The following SIPA1L1 variants were observed in gnomAD, a reference collection of about 807,000 sequenced individuals.
The protein encoded by SIPA1L1 is signal induced proliferation associated 1 like 1.
A neutral mutation model predicts 162.7 loss-of-function variants in SIPA1L1; 26 were observed. That is an observed-to-expected ratio of 0.16 (90% confidence interval 0.12 to 0.22). SIPA1L1 has a LOEUF of 0.22. SIPA1L1 is among the 10% of genes least tolerant of loss of function. SIPA1L1 has a pLI of 1.00. For synonymous variants in SIPA1L1, 829 were observed against 837.4 expected (o/e 0.99, Z 0.17); for missense variants, 1,874 against 2,241.0 (o/e 0.84, Z 3.31).
chr14:71,564,266 A>G (rs372394903), intron 4 of SIPA1L1, among the ~76,000 whole-genome samples: 1 of 151,206 alleles, frequency 6.6e-6, no homozygotes, highest in African/African-American at 2.4e-5. Context: ...CCTTCTTAAT[A>G]CTATTTTCTT....
intron 4 of SIPA1L1, among the ~76,000 whole-genome samples, chr14:71,576,322 G>A (rs1342786932): frequency 2.0e-5 from 3 of 152,224 alleles, no homozygotes; most frequent in Non-Finnish European, 4.4e-5. Context: ...TGTACAAACT[G>A]CAGTAGATAA....
intron 2 of SIPA1L1, among the ~76,000 whole-genome samples, chr14:71,344,926 A>G (rs1186003715): frequency 6.6e-6 from 1 of 152,122 alleles, no homozygotes; most frequent in African/African-American, 2.4e-5. Flanking sequence ...TAATGGAAAG[A>G]TATATTTCAT....
chr14:71,488,911 A>G (rs541084244), intron 2 of SIPA1L1, among the ~76,000 whole-genome samples: 3 of 152,266 alleles, frequency 2.0e-5, no homozygotes, highest in Admixed American at 2.0e-4. Flanking sequence ...CTTAGTGGAG[A>G]ATGGCCTGCT....
In SIPA1L1 at chr14:71,655,276, G is replaced by C. The variant is rs559791872; in HGVS notation, c.1994-3057G>C. ...TTAGGATAATGGCCTCCAGCTGCAT[G>C]TGTGTTGTTGCCAGGGAGATGATGA... is the stretch of plus-strand genomic sequence containing the variant. On this transcript the variant is annotated intron_variant, in intron 8 of 23. Coordinates refer to ENST00000381232, the MANE Select transcript of SIPA1L1 (RefSeq NM_001386936.1). Among the ~76,000 whole-genome samples the C allele has an allele frequency of 1.4e-4, 22 of 152,254 alleles. 1 individual carries two copies. The South Asian group carries it at 4.3e-3, about 30-fold the overall frequency.
intron 3 of SIPA1L1, among the ~76,000 whole-genome samples, chr14:71,518,998 G>A (rs1235067167): frequency 6.6e-6 from 1 of 152,102 alleles, no homozygotes; most frequent in Non-Finnish European, 1.5e-5. Flanking sequence ...CACAACAATA[G>A]CATGGGAAAG....
chr14:71,631,385 C>T (rs1397824573), intron 7 of SIPA1L1, among the ~76,000 whole-genome samples: 1 of 152,156 alleles, frequency 6.6e-6, no homozygotes, highest in East Asian at 1.9e-4. Flanking sequence ...TGTTGTACTG[C>T]TGTGCCATAG....
At chr14:71,669,172 T>C (rs767713630) in intron 10 of SIPA1L1, among the ~76,000 whole-genome samples, 1 of 152,218 alleles carries the variant, frequency 6.6e-6, no homozygotes, top group Non-Finnish European at 1.5e-5. Flanking sequence ...ATCATTTACC[T>C]CCCTACCACA....
intron 2 of SIPA1L1, among the ~76,000 whole-genome samples, chr14:71,413,376 A>G (rs17178206): frequency 0.16 from 24,896 of 152,218 alleles, 2,647 homozygotes; most frequent in Middle Eastern, 0.35. Context: ...GGACAGACTG[A>G]ATGAATAGCC....
chr14:71,569,088 G>A (rs2031397178), intron 4 of SIPA1L1, among the ~76,000 whole-genome samples: 2 of 152,116 alleles, frequency 1.3e-5, no homozygotes, highest in African/African-American at 4.8e-5. Context: ...TTGAACATGT[G>A]TAGTTATTTA....
In SIPA1L1 at chr14:71,700,870, C is replaced by T. The variant is rs977545472; in HGVS notation, c.3522-1511C>T. 6.6e-5 allele frequency among the ~76,000 whole-genome samples: 10 copies of T among 151,472 alleles called. No individual in the cohort carries two copies. The East Asian group carries it at 1.6e-3, about 24-fold the overall frequency. ...TTAGCTGGGTGTGGTGGCGGGTGCC[C>T]GCAGTCCCAGCTACTCAGGAGTCTG... On this transcript the variant is annotated intron_variant, in intron 14 of 23. Transcript: ENST00000381232.
At chr14:71,449,175 G>C (rs1415774166) in intron 2 of SIPA1L1, among the ~76,000 whole-genome samples, 2 of 152,282 alleles carry the variant, frequency 1.3e-5, no homozygotes, top group East Asian at 3.9e-4. Context: ...ACAGCAAAAG[G>C]CTGCTGCTTT....
rs1203329143 is a variant in SIPA1L1 at position 71,330,438 on chromosome 14, G to C, written c.-465+9257G>C. 12 of 1,569,388 alleles carry C rather than the reference G, an allele frequency of 7.6e-6. No individual in the cohort carries two copies. In the East Asian group the frequency reaches 2.7e-4, roughly 35 times the overall value. ...TCTTCAGGATCTCAGCAGCCTTGCT[G>C]TGCTCAATATCTTGGAAATCCACAT... is the stretch of plus-strand genomic sequence containing the variant. On this transcript the variant is annotated intron_variant, in intron 2 of 23. Coordinates refer to ENST00000381232, the MANE Select transcript of SIPA1L1 (RefSeq NM_001386936.1).
rs58628136 is a variant in SIPA1L1, at chr14:71,417,469, CAAAAAAAAAAAAAAAAAA to C, written c.-464-95257_-464-95240del. Among the ~76,000 whole-genome samples, 48 of 17,770 alleles carry C rather than the reference CAAAAAAAAAAAAAAAAAA, an allele frequency of 2.7e-3. 1 individual carries two copies. The highest frequency in any genetic ancestry group is 0.01 in the Admixed American group (10 of 990). 11.7% of individuals were successfully genotyped at this position (17,770 alleles called of 152,430 possible). ...CCTGGGCGACAGCGAGACTCCGTCT[CAAAAAAAAAAAAAAAAAA>C]AAAAAAAAAAAAAAAAGAAAATCCT... On this transcript the variant is annotated intron_variant, in intron 2 of 23. Coordinates refer to ENST00000381232, the MANE Select transcript of SIPA1L1 (RefSeq NM_001386936.1).
intron 2 of SIPA1L1, among the ~76,000 whole-genome samples, chr14:71,481,348 G>T (rs555994961): frequency 1.3e-5 from 2 of 152,240 alleles, no homozygotes; most frequent in East Asian, 3.9e-4. Flanking sequence ...ACATGGTAGT[G>T]CATGCTTGTG....
At chr14:71,705,530 A>G (rs1459362479) in intron 16 of SIPA1L1, among the ~76,000 whole-genome samples, 190 bp downstream of exon 16, 1 of 151,812 alleles carries the variant, frequency 6.6e-6, no homozygotes, top group African/African-American at 2.4e-5. Context: ...ATAAATTGTA[A>G]CTCCTCATTG....
At chr14:71,687,912 T>C (rs1054532173) in intron 13 of SIPA1L1, among the ~76,000 whole-genome samples, 7 of 152,188 alleles carry the variant, frequency 4.6e-5, no homozygotes, top group African/African-American at 1.7e-4. Context: ...CACTGCCCCC[T>C]TAGTCTCTGG....
At position 71,446,894 on chromosome 14, in the gene SIPA1L1, G is replaced by GTTTTT. The variant is rs765106790; in HGVS notation, c.-464-65842_-464-65838dup. Among the ~76,000 whole-genome samples, 134 of 87,396 alleles carry GTTTTT rather than the reference G, an allele frequency of 1.5e-3. 13 individuals are homozygous for GTTTTT. Among genetic ancestry groups the GTTTTT allele is most frequent in the East Asian group, 0.013 (31 of 2,448 alleles). 57.3% of individuals were successfully genotyped at this position (87,396 alleles called of 152,430 possible). On this transcript the variant is annotated intron_variant, in intron 2 of 23. Transcript: ENST00000381232. ...CTGCAAATAAAGAGAGATGGGCTCTGTTTTTTTTTTTGTTTTTTTTTTTTT... is the reference window on the plus strand; with the variant it reads ...CTGCAAATAAAGAGAGATGGGCTCTGTTTTTTTTTTTTTTTTGTTTTTTTTTTTTT...
intron 10 of SIPA1L1, among the ~76,000 whole-genome samples, chr14:71,665,804 T>A (rs2043947961): frequency 6.6e-6 from 1 of 152,190 alleles, no homozygotes; most frequent in African/African-American, 2.4e-5. Context: ...TGTTCCTATA[T>A]GATAACGTTT....
intron 4 of SIPA1L1, among the ~76,000 whole-genome samples, chr14:71,581,563 G>A (rs2033930522): frequency 6.6e-6 from 1 of 152,088 alleles, no homozygotes; most frequent in Non-Finnish European, 1.5e-5. Context: ...TTGGTAATAA[G>A]TTATTTAATA....
Sources: gnomAD v4.1 joint callset for allele counts (sites outside exome capture counted in the v4.1 genomes callset) on GRCh38, gnomAD v4.1.1 for gene constraint, MANE v1.5 for transcripts, NCBI Gene and HGNC (gene_info 2026-07-23, HGNC 2026-07-21) for gene names.